The following PDE1C variants were observed in gnomAD, a reference collection of about 807,000 sequenced individuals.
PDE1C encodes the protein dual specificity calcium/calmodulin-dependent 3',5'-cyclic nucleotide phosphodiesterase 1C.
PDE1C carries 62 observed loss-of-function variants against 93.1 expected under a neutral mutation model. The ratio of observed to expected loss-of-function variants is 0.67; its 90% CI spans 0.54 to 0.82. The LOEUF is 0.82. PDE1C is among the 40% of genes least tolerant of loss of function. The pLI is 0.00. For synonymous variants in PDE1C, 325 were observed against 310.1 expected (o/e 1.05, Z -0.50); for missense variants, 742 against 884.6 (o/e 0.84, Z 2.04).
the PDE1C span, among the ~76,000 whole-genome samples, chr7:31,634,707 G>A: frequency 6.6e-6 from 1 of 152,186 alleles, no homozygotes; most frequent in Non-Finnish European, 1.5e-5. Flanking sequence ...AAATTGTGCA[G>A]GGCTTGGTGG....
chr7:31,909,483 G>A (rs1800974486), intron 2 of PDE1C, among the ~76,000 whole-genome samples: 1 of 151,978 alleles, frequency 6.6e-6, no homozygotes, highest in African/African-American at 2.4e-5. Flanking sequence ...GGGACGCACA[G>A]CATAGAAATA....
At chr7:32,080,204 T>C (rs999366825) in intron 3 of PDE1C, among the ~76,000 whole-genome samples, 4 of 152,066 alleles carry the variant, frequency 2.6e-5, no homozygotes, top group African/African-American at 7.2e-5. Context: ...CAGAAAAATA[T>C]TGGGTACAGA....
chr7:31,656,381 C>A, the PDE1C span: 1 of 413,428 alleles, frequency 2.4e-6, no homozygotes, highest in Non-Finnish European at 3.3e-6. Flanking sequence ...AGTTGTTGGA[C>A]AGAATAAATA....
At chr7:31,809,567 G>T (rs747413404) in intron 15 of PDE1C, among the ~76,000 whole-genome samples, 22 of 151,930 alleles carry the variant, frequency 1.4e-4, no homozygotes, top group Non-Finnish European at 3.1e-4. Context: ...AGCTAGAAAT[G>T]GTATTTTAAT....
chr7:32,338,847 C>CA (rs1190118376), intron 1 of PDE1C, among the ~76,000 whole-genome samples: 2 of 152,026 alleles, frequency 1.3e-5, no homozygotes, highest in African/African-American at 2.4e-5. Flanking sequence ...ACTAAAAATA[C>CA]AAAAAATTAG....
At chr7:32,119,938 G>A (rs1278627149) in intron 3 of PDE1C, among the ~76,000 whole-genome samples, 1 of 152,192 alleles carries the variant, frequency 6.6e-6, no homozygotes. Context: ...GAGCTCCTTG[G>A]GAGAGGGGCC....
chr7:32,371,182 A>G (rs1784325727), intron 1 of PDE1C, among the ~76,000 whole-genome samples: 1 of 151,982 alleles, frequency 6.6e-6, no homozygotes, highest in South Asian at 2.1e-4. Context: ...TTCTCCCACC[A>G]AAAAACAAAA....
chr7:32,023,697 A>G (rs1477452929), intron 2 of PDE1C, among the ~76,000 whole-genome samples: 1 of 152,118 alleles, frequency 6.6e-6, no homozygotes, highest in Non-Finnish European at 1.5e-5. Context: ...TTTAAAAAAC[A>G]TCTGTGAAAT....
chr7:32,331,000 C>T (rs1783502237), intron 1 of PDE1C, among the ~76,000 whole-genome samples: 1 of 152,100 alleles, frequency 6.6e-6, no homozygotes, highest in African/African-American at 2.4e-5. Context: ...CAAAGCACTT[C>T]TGACCAGCAA....
At chr7:32,070,245 A>G in intron 1 of PDE1C, 48 bp downstream of exon 1, 1 of 1,612,068 alleles carries the variant, frequency 6.2e-7, no homozygotes, top group Non-Finnish European at 8.5e-7. Context: ...TGGTAAAATA[A>G]GGATGGGAGC....
chr7:31,666,789 C>G, the PDE1C span, among the ~76,000 whole-genome samples: 1 of 151,362 alleles, frequency 6.6e-6, no homozygotes, highest in South Asian at 2.1e-4. Flanking sequence ...TAAATCCAGC[C>G]CCCCATTTTT....
chr7:32,385,771 A>G (rs1316609207), intron 1 of PDE1C, among the ~76,000 whole-genome samples: 3 of 152,184 alleles, frequency 2.0e-5, no homozygotes, highest in Non-Finnish European at 4.4e-5. Context: ...CTTAAACCCC[A>G]GGGAGTCAGA....
chr7:31,713,362 G>T, the PDE1C span, among the ~76,000 whole-genome samples: 6 of 152,188 alleles, frequency 3.9e-5, no homozygotes, highest in Admixed American at 1.3e-4. Flanking sequence ...TGATGCAAGA[G>T]GTGGGCTCCC....
intron 2 of PDE1C, among the ~76,000 whole-genome samples, chr7:31,940,427 G>C (rs1456849912): frequency 6.6e-6 from 1 of 152,194 alleles, no homozygotes; most frequent in Non-Finnish European, 1.5e-5. Context: ...CTGCAAGGTA[G>C]AGTTCATGAT....
chr7:32,270,280 T>C (rs951724705), intron 1 of PDE1C, among the ~76,000 whole-genome samples: 1 of 151,954 alleles, frequency 6.6e-6, no homozygotes, highest in Non-Finnish European at 1.5e-5. Flanking sequence ...CTGTGTTTTC[T>C]TTCCTTCTTT....
At chr7:31,947,223 G>T (rs1806738480) in intron 2 of PDE1C, among the ~76,000 whole-genome samples, 1 of 152,158 alleles carries the variant, frequency 6.6e-6, no homozygotes, top group Admixed American at 6.6e-5. Flanking sequence ...TCAAAGAATG[G>T]ATTGGGTACA....
intron 3 of PDE1C, among the ~76,000 whole-genome samples, chr7:32,121,584 AT>A (rs1213997302): frequency 1.3e-5 from 2 of 152,188 alleles, no homozygotes; most frequent in Non-Finnish European, 2.9e-5. Flanking sequence ...AATTTTCAAC[AT>A]TCTTAAAAGA....
the PDE1C span, among the ~76,000 whole-genome samples, chr7:31,676,044 C>G: frequency 6.6e-6 from 1 of 152,174 alleles, no homozygotes; most frequent in African/African-American, 2.4e-5. Flanking sequence ...TACTATGGTG[C>G]TTTCAGCTTT....
At chr7:32,349,863 C>T (rs1416090833) in intron 1 of PDE1C, among the ~76,000 whole-genome samples, 4 of 152,254 alleles carry the variant, frequency 2.6e-5, no homozygotes, top group Middle Eastern at 3.4e-3. Context: ...CTCCTGACCT[C>T]GTGATTCACC....
Sources: gnomAD v4.1 joint callset for allele counts (sites outside exome capture counted in the v4.1 genomes callset) on GRCh38, gnomAD v4.1.1 for gene constraint, MANE v1.5 for transcripts, NCBI Gene and HGNC (gene_info 2026-07-23, HGNC 2026-07-21) for gene names.